Variants in MARCHF1 observed in about 807,000 individuals in gnomAD.
The protein encoded by MARCHF1 is membrane associated ring-CH-type finger 1.
In MARCHF1, 40 loss-of-function variants were observed where a neutral mutation model predicts 54.2. The ratio of observed to expected loss-of-function variants is 0.74; its 90% CI spans 0.57 to 0.96. The LOEUF is 0.96. Ranked by LOEUF, MARCHF1 falls within the 40% of genes least tolerant of loss-of-function variation. The probability of loss-of-function intolerance (pLI) is 0.00; values close to 1 mark genes in which losing one functional copy is unlikely to be tolerated. For missense variants in MARCHF1, 586 were observed against 656.5 expected (o/e 0.89, Z 1.17); for synonymous variants, 236 against 236.3 (o/e 1.00, Z 0.01).
At chr4:163,607,628 T>C (rs904301248) in intron 7 of MARCHF1, among the ~76,000 whole-genome samples, 1 of 152,136 alleles carries the variant, frequency 6.6e-6, no homozygotes, top group Non-Finnish European at 1.5e-5. Flanking sequence ...TCATGCTTTG[T>C]GTCAGCATTC....
chr4:163,877,187 T>C (rs1006834771), intron 3 of MARCHF1, among the ~76,000 whole-genome samples: 1 of 152,196 alleles, frequency 6.6e-6, no homozygotes, highest in South Asian at 2.1e-4. Flanking sequence ...CTGTTATCAC[T>C]TGTGATATCA....
intron 4 of MARCHF1, among the ~76,000 whole-genome samples, chr4:163,779,836 AC>A (rs200030959): frequency 3.9e-5 from 6 of 152,100 alleles, no homozygotes; most frequent in Admixed American, 3.9e-4. Context: ...AGAAAAAAAA[AC>A]CCCTATTACA....
At chr4:163,692,517 T>C (rs1179706631) in intron 5 of MARCHF1, among the ~76,000 whole-genome samples, 1 of 152,154 alleles carries the variant, frequency 6.6e-6, no homozygotes, top group African/African-American at 2.4e-5. Context: ...TCAGTGTGTC[T>C]GGACATGAGT....
intron 4 of MARCHF1, among the ~76,000 whole-genome samples, chr4:163,731,373 G>C (rs1229302388): frequency 2.0e-5 from 3 of 152,072 alleles, no homozygotes; most frequent in Non-Finnish European, 4.4e-5. Context: ...CAAAATATAA[G>C]ACACAATGGC....
At chr4:164,250,096 T>C (rs1288334054) in intron 1 of MARCHF1, among the ~76,000 whole-genome samples, 4 of 152,092 alleles carry the variant, frequency 2.6e-5, no homozygotes, top group Admixed American at 6.6e-5. Context: ...GTTTGTGTCA[T>C]GCTAAATTAG....
In MARCHF1 at chr4:164,301,531, G is replaced by A. The variant is rs563111980; in HGVS notation, c.-323+82339C>T. Among the ~76,000 whole-genome samples, 10 of 152,264 alleles carry A rather than the reference G, an allele frequency of 6.6e-5. No individual in the cohort carries two copies. In the South Asian group the frequency reaches 8.3e-4, roughly 13 times the overall value. ...AGTTCACTATGGTGCTCAGGAGAGC[G>A]GATAGGGCTCGGTTTGTACATTAGG... On this transcript the variant is annotated intron_variant, in intron 1 of 9. Coordinates refer to ENST00000514618, the MANE Select transcript of MARCHF1 (RefSeq NM_001394959.1).
chr4:164,052,626 T>C (rs1216347682), intron 2 of MARCHF1, among the ~76,000 whole-genome samples: 2 of 152,178 alleles, frequency 1.3e-5, no homozygotes, highest in Non-Finnish European at 2.9e-5. Context: ...GCTACTTACT[T>C]GGCTCTGACA....
intron 5 of MARCHF1, among the ~76,000 whole-genome samples, chr4:163,699,015 G>A (rs1744721835): frequency 6.6e-6 from 1 of 152,170 alleles, no homozygotes; most frequent in South Asian, 2.1e-4. Context: ...AGGCAACTGT[G>A]TCTCGGGAAG....
intron 2 of MARCHF1, among the ~76,000 whole-genome samples, chr4:164,034,615 T>C (rs917893398): frequency 6.6e-6 from 1 of 152,068 alleles, no homozygotes; most frequent in Non-Finnish European, 1.5e-5. Flanking sequence ...ATAATATACA[T>C]ACATACATAT....
intron 4 of MARCHF1, among the ~76,000 whole-genome samples, chr4:163,729,291 C>T (rs971997871): frequency 3.3e-5 from 5 of 151,826 alleles, no homozygotes; most frequent in Admixed American, 6.6e-5. Context: ...TAATGCTGGC[C>T]TCATGAAATG....
At chr4:163,808,526 T>C (rs988256007) in intron 4 of MARCHF1, among the ~76,000 whole-genome samples, 1 of 152,086 alleles carries the variant, frequency 6.6e-6, no homozygotes, top group Non-Finnish European at 1.5e-5. Flanking sequence ...GCTCCAGAAA[T>C]AGTAATGTGA....
chr4:163,812,400 T>G (rs1414980901), intron 4 of MARCHF1, among the ~76,000 whole-genome samples: 1 of 151,996 alleles, frequency 6.6e-6, no homozygotes, highest in Non-Finnish European at 1.5e-5. Context: ...ACTAATACAT[T>G]CAGGTAGTTT....
intron 4 of MARCHF1, among the ~76,000 whole-genome samples, chr4:163,844,502 C>T (rs1749430593): frequency 6.6e-6 from 1 of 151,752 alleles, no homozygotes; most frequent in Admixed American, 6.6e-5. Flanking sequence ...TTGCCAAGGC[C>T]GATGTGACTA....
At chr4:164,271,444 T>C (rs1011965742) in intron 1 of MARCHF1, among the ~76,000 whole-genome samples, 5 of 152,136 alleles carry the variant, frequency 3.3e-5, no homozygotes, top group Admixed American at 2.6e-4. Flanking sequence ...TGATGTTCTC[T>C]AGAAGGTAGA....
At chr4:164,050,838 C>T (rs1047117309) in intron 2 of MARCHF1, among the ~76,000 whole-genome samples, 1 of 152,202 alleles carries the variant, frequency 6.6e-6, no homozygotes, top group South Asian at 2.1e-4. Flanking sequence ...GAGGCTGAGG[C>T]AGGAGAATCA....
At chr4:164,265,007 A>G (rs1331945661) in intron 1 of MARCHF1, among the ~76,000 whole-genome samples, 2 of 151,446 alleles carry the variant, frequency 1.3e-5, no homozygotes, top group Non-Finnish European at 2.9e-5. Context: ...CCTAATTATG[A>G]TTTCTTTGTA....
At chr4:164,042,763 C>T (rs182035279) in intron 2 of MARCHF1, among the ~76,000 whole-genome samples, 99 of 152,280 alleles carry the variant, frequency 6.5e-4, no homozygotes, top group African/African-American at 2.3e-3. Flanking sequence ...CACCTATAAA[C>T]CTGTAAAATC....
At chr4:164,270,415 A>G (rs1158947416) in intron 1 of MARCHF1, among the ~76,000 whole-genome samples, 4 of 152,164 alleles carry the variant, frequency 2.6e-5, no homozygotes, top group African/African-American at 4.8e-5. Context: ...CAAACTGTAA[A>G]TATACATGTT....
chr4:163,943,770 A>AT (rs1491509326), intron 3 of MARCHF1, among the ~76,000 whole-genome samples: 1 of 125,886 alleles, frequency 7.9e-6, no homozygotes, highest in African/African-American at 2.9e-5. Flanking sequence ...AAAAAAAAAA[A>AT]GACCACACCT....
Sources: gnomAD v4.1 joint callset for allele counts (sites outside exome capture counted in the v4.1 genomes callset) on GRCh38, gnomAD v4.1.1 for gene constraint, MANE v1.5 for transcripts, NCBI Gene and HGNC (gene_info 2026-07-23, HGNC 2026-07-21) for gene names.